Variants in DENND1A observed in about 807,000 individuals in gnomAD.
The protein encoded by DENND1A is DENN domain containing 1A.
In DENND1A, 51 loss-of-function variants were observed where a neutral mutation model predicts 113.7. The observed-to-expected ratio is 0.45, with a 90% CI of 0.36 to 0.57. The LOEUF (loss-of-function observed/expected upper bound fraction) is 0.57, where lower values mean the gene tolerates loss of function less well. Among genes scored for constraint, DENND1A ranks in the 20% least tolerant of loss-of-function variants. DENND1A has a pLI of 0.00. For synonymous variants in DENND1A, 565 were observed against 570.8 expected, an observed-to-expected ratio of 0.99 and a Z score of 0.14; for missense variants, 1,258 against 1,395.9, an observed-to-expected ratio of 0.90 and a Z score of 1.57.
intron 17 of DENND1A, 99 bp from the exon 18 acceptor site, chr9:123,450,848 G>C (rs2047667726): frequency 1.1e-6 from 1 of 914,496 alleles, no homozygotes; most frequent in South Asian, 1.8e-5. Context: ...CTGATTACTA[G>C]AAAAAGGAAG....
intron 18 of DENND1A, among the ~76,000 whole-genome samples, chr9:123,445,533 C>T (rs1339248590): frequency 1.3e-5 from 2 of 152,216 alleles, no homozygotes; most frequent in African/African-American, 2.4e-5. Flanking sequence ...GGTGTGTGCA[C>T]ATGGGTATGT....
At chr9:123,606,598 C>T (rs942112301) in intron 11 of DENND1A, among the ~76,000 whole-genome samples, 2 of 152,184 alleles carry the variant, frequency 1.3e-5, no homozygotes, top group Admixed American at 6.5e-5. Flanking sequence ...ATTCACTTCC[C>T]GCACCTGTAA....
At chr9:123,595,220 G>A (rs757654935) in intron 11 of DENND1A, among the ~76,000 whole-genome samples, 5 of 152,124 alleles carry the variant, frequency 3.3e-5, no homozygotes, top group Non-Finnish European at 5.9e-5. Flanking sequence ...CACCTCCCAG[G>A]TCAGGCCAAA....
chr9:123,661,600 G>A (rs150355340), intron 8 of DENND1A, among the ~76,000 whole-genome samples: 1 of 152,336 alleles, frequency 6.6e-6, no homozygotes, highest in East Asian at 1.9e-4. Flanking sequence ...GACTGACAGA[G>A]CATTCAGCCA....
At chr9:123,398,943 T>C (rs1319101688) in intron 21 of DENND1A, among the ~76,000 whole-genome samples, 1 of 151,262 alleles carries the variant, frequency 6.6e-6, no homozygotes, top group African/African-American at 2.4e-5. Context: ...TACAAGCATG[T>C]ATCACCACAC....
At chr9:123,901,910 G>A (rs1379317569) in intron 1 of DENND1A, among the ~76,000 whole-genome samples, 2 of 152,106 alleles carry the variant, frequency 1.3e-5, no homozygotes, top group Non-Finnish European at 2.9e-5. Context: ...AGAGGCTGAG[G>A]CAGGAGAATG....
chr9:123,790,566 C>A (rs1758086944), intron 3 of DENND1A, among the ~76,000 whole-genome samples: 1 of 152,088 alleles, frequency 6.6e-6, no homozygotes, highest in Non-Finnish European at 1.5e-5. Flanking sequence ...ACTATGCGCA[C>A]CTTTAAAATA....
intron 2 of DENND1A, among the ~76,000 whole-genome samples, chr9:123,873,168 G>A (rs915009651): frequency 1.3e-5 from 2 of 152,146 alleles, no homozygotes; most frequent in Admixed American, 6.5e-5. Context: ...TGTAGAAACC[G>A]ACAAAGGTAC....
At chr9:123,795,483 A>C (rs1220468995) in intron 2 of DENND1A, among the ~76,000 whole-genome samples, 2 of 152,196 alleles carry the variant, frequency 1.3e-5, no homozygotes, top group Admixed American at 6.5e-5. Context: ...TCAGCATGGC[A>C]CATGTACAAA....
chr9:123,644,569 C>T (rs1461452237), intron 9 of DENND1A, among the ~76,000 whole-genome samples: 1 of 152,132 alleles, frequency 6.6e-6, no homozygotes, highest in Non-Finnish European at 1.5e-5. Context: ...ATGCCTCTGG[C>T]TCCTGTGACA....
chr9:123,454,287 T>TA (rs1398406521), intron 16 of DENND1A, among the ~76,000 whole-genome samples: 1 of 152,186 alleles, frequency 6.6e-6, no homozygotes, highest in Non-Finnish European at 1.5e-5. Flanking sequence ...TTGGAAGCCC[T>TA]ATGCCCCTGG....
At chr9:123,626,198 C>T (rs1241697508) in intron 10 of DENND1A, among the ~76,000 whole-genome samples, 3 of 152,078 alleles carry the variant, frequency 2.0e-5, no homozygotes, top group East Asian at 3.9e-4. Flanking sequence ...TGACCTGAGG[C>T]TACCTTTTAG....
intron 11 of DENND1A, among the ~76,000 whole-genome samples, chr9:123,586,225 T>C (rs930914792): frequency 3.3e-5 from 5 of 152,100 alleles, no homozygotes; most frequent in African/African-American, 1.2e-4. Context: ...ATGATGGCCA[T>C]TGGAGAGAAG....
intron 3 of DENND1A, among the ~76,000 whole-genome samples, chr9:123,772,734 T>C (rs780921140): frequency 2.0e-5 from 3 of 152,154 alleles, no homozygotes; most frequent in Non-Finnish European, 4.4e-5. Context: ...AGTGAATCTA[T>C]AGTAGCCAGT....
intron 13 of DENND1A, among the ~76,000 whole-genome samples, chr9:123,527,585 G>A (rs1168691867): frequency 6.6e-6 from 1 of 152,002 alleles, no homozygotes; most frequent in Admixed American, 6.6e-5. Flanking sequence ...CTTCCTCCAG[G>A]GCACTTTGCT....
intron 16 of DENND1A, among the ~76,000 whole-genome samples, chr9:123,452,769 G>A (rs1046516220): frequency 2.6e-5 from 4 of 152,106 alleles, no homozygotes; most frequent in Admixed American, 1.3e-4. Context: ...ACACCAAGCC[G>A]GGGCAGAAAG....
At chr9:123,738,488 T>C (rs2068745071) in intron 5 of DENND1A, among the ~76,000 whole-genome samples, 1 of 149,586 alleles carries the variant, frequency 6.7e-6, no homozygotes, top group Non-Finnish European at 1.5e-5. Context: ...TGTGTAGTGA[T>C]GTTTTTGTTT....
chr9:123,635,266 C>T (rs2061648103), intron 9 of DENND1A, among the ~76,000 whole-genome samples: 1 of 152,166 alleles, frequency 6.6e-6, no homozygotes, highest in Admixed American at 6.5e-5. Flanking sequence ...TAGACCCTTG[C>T]AAAGTATTGT....
intron 2 of DENND1A, among the ~76,000 whole-genome samples, chr9:123,832,826 A>G (rs1375393866): frequency 6.6e-6 from 1 of 152,196 alleles, no homozygotes; most frequent in Admixed American, 6.5e-5. Context: ...AAAAATGATC[A>G]ATGCTATTAG....
Sources: gnomAD v4.1 joint callset for allele counts (sites outside exome capture counted in the v4.1 genomes callset) on GRCh38, gnomAD v4.1.1 for gene constraint, MANE v1.5 for transcripts, NCBI Gene and HGNC (gene_info 2026-07-23, HGNC 2026-07-21) for gene names.